CACNA2D3: variants seen among roughly 807,000 people sequenced by gnomAD.
CACNA2D3 encodes the protein calcium voltage-gated channel auxiliary subunit alpha2delta 3.
In CACNA2D3, 60 loss-of-function variants were observed where a neutral mutation model predicts 160.6. The ratio of observed to expected loss-of-function variants is 0.37; its 90% confidence interval spans 0.30 to 0.46. CACNA2D3 has a LOEUF of 0.46. Ranked by LOEUF, CACNA2D3 falls within the 20% of genes least tolerant of loss-of-function variation. The pLI, the probability that CACNA2D3 is intolerant of heterozygous loss-of-function variation, is 1.00. For synonymous variants in CACNA2D3, 558 were observed against 492.9 expected (o/e 1.13, Z -1.75); for missense variants, 1,205 against 1,365.0 (o/e 0.88, Z 1.85).
intron 4 of CACNA2D3, among the ~76,000 whole-genome samples, chr3:54,500,308 A>T (rs1390011809): frequency 6.6e-6 from 1 of 152,098 alleles, no homozygotes; most frequent in African/African-American, 2.4e-5. Context: ...TGGGCTTCTT[A>T]TGGACAAAAT....
intron 5 of CACNA2D3, among the ~76,000 whole-genome samples, chr3:54,506,549 T>C (rs1701374301): frequency 6.6e-6 from 1 of 152,194 alleles, no homozygotes; most frequent in African/African-American, 2.4e-5. Flanking sequence ...GGTTTGTGCT[T>C]TCCTCTCTGG....
In CACNA2D3 at chr3:54,163,974, G is replaced by T. The variant is rs114744506; in HGVS notation, c.204+40380G>T. Among the ~76,000 whole-genome samples, 771 of 152,308 alleles carry T rather than the reference G, an allele frequency of 5.1e-3. 6 individuals carry two copies. The highest frequency in any genetic ancestry group is 0.018 in the African/African-American group (742 of 41,556). ...TGGAGAGGGAGAGGGAATAGCCCACGGGCTAAGCAGCCCACTGCAGGTACC... is the reference window on the plus strand; with the variant it reads ...TGGAGAGGGAGAGGGAATAGCCCACTGGCTAAGCAGCCCACTGCAGGTACC... On this transcript the variant is annotated intron_variant, in intron 2 of 37. Coordinates refer to ENST00000474759, the MANE Select transcript of CACNA2D3 (RefSeq NM_018398.3).
intron 27 of CACNA2D3, chr3:54,918,935 C>G: frequency 1.4e-6 from 2 of 1,447,744 alleles, no homozygotes; most frequent in Non-Finnish European, 9.2e-7. Context: ...AGCCTTGATA[C>G]AACAGAGTTC....
intron 2 of CACNA2D3, among the ~76,000 whole-genome samples, chr3:54,287,482 CTT>C (rs1559909611): frequency 6.6e-6 from 1 of 150,462 alleles, no homozygotes; most frequent in African/African-American, 2.5e-5. Context: ...TAATGGGAGA[CTT>C]TAACACCCCA....
At chr3:54,922,633 G>A (rs1700886860) in intron 27 of CACNA2D3, among the ~76,000 whole-genome samples, 1 of 152,036 alleles carries the variant, frequency 6.6e-6, no homozygotes, top group South Asian at 2.1e-4. Flanking sequence ...GCTGAGAACC[G>A]CTACAACCAT....
At chr3:54,786,082 C>T (rs906647755) in intron 13 of CACNA2D3, among the ~76,000 whole-genome samples, 2 of 152,190 alleles carry the variant, frequency 1.3e-5, no homozygotes, top group African/African-American at 4.8e-5. Flanking sequence ...GTTACAAATC[C>T]CTTCCCTAAC....
At chr3:54,614,973 G>C (rs948949352) in intron 9 of CACNA2D3, among the ~76,000 whole-genome samples, 22 of 152,154 alleles carry the variant, frequency 1.4e-4, no homozygotes, top group African/African-American at 5.1e-4. Flanking sequence ...AAAAGAAAAA[G>C]GGTGTGGGAG....
At chr3:54,625,161 T>C (rs1451948315) in intron 9 of CACNA2D3, among the ~76,000 whole-genome samples, 1 of 152,102 alleles carries the variant, frequency 6.6e-6, no homozygotes, top group African/African-American at 2.4e-5. Context: ...CTCAAGCCAT[T>C]TGATCATCCC....
rs868741623 is a variant in CACNA2D3 at position 54,627,688 on chromosome 3, C to T, written c.964-99C>T. 1.2e-4 allele frequency: 92 copies of T among 744,848 alleles called. 2 individuals carry two copies. In the South Asian group the frequency reaches 1.3e-3, roughly 10 times the overall value. The allele number at this position is 744,848 out of a possible 1,614,324, so 46.1% of individuals were successfully genotyped here. ...GTAAATTATGACCGGTTGGATCTGA[C>T]AATCATTGGTCTTGCCATGGCGTAC... On this transcript the variant is annotated intron_variant, in intron 9 of 37. Transcript: ENST00000474759.
At position 54,438,055 on chromosome 3, in the gene CACNA2D3, T is replaced by TA. The variant is rs1180504569; in HGVS notation, c.381+51289dup. On this transcript the variant is annotated intron_variant, in intron 4 of 37. Coordinates refer to ENST00000474759, the MANE Select transcript of CACNA2D3 (RefSeq NM_018398.3). ...CAGATATTAGAAACAACTAGAGTTA[T>TA]AAAAAAAACTAAAGTTTCTCTGAAG... 2.6e-5 allele frequency among the ~76,000 whole-genome samples: 4 copies of TA among 152,058 alleles called. No homozygotes were observed. In the East Asian group the frequency reaches 5.8e-4, roughly 22 times the overall value.
chr3:54,340,034 A>G (rs575540944), intron 3 of CACNA2D3, among the ~76,000 whole-genome samples: 2 of 152,338 alleles, frequency 1.3e-5, no homozygotes, highest in South Asian at 2.1e-4. Context: ...CTCACTTTTC[A>G]GGATGACAAA....
At chr3:54,379,033 A>G (rs981517663) in intron 3 of CACNA2D3, among the ~76,000 whole-genome samples, 3 of 152,164 alleles carry the variant, frequency 2.0e-5, no homozygotes, top group Non-Finnish European at 2.9e-5. Context: ...CTCTAGGCTT[A>G]TTTTGTCTTG....
chr3:54,529,586 T>C (rs1341963002), intron 5 of CACNA2D3, among the ~76,000 whole-genome samples: 1 of 152,200 alleles, frequency 6.6e-6, no homozygotes, highest in African/African-American at 2.4e-5. Flanking sequence ...TCCCAGTTGC[T>C]GTGAGCATTC....
At chr3:54,764,088 A>G in intron 12 of CACNA2D3, 130 bp from the exon 13 acceptor site, 2 of 927,038 alleles carry the variant, frequency 2.2e-6, no homozygotes, top group Non-Finnish European at 3.3e-6. Context: ...AAAATGGGGG[A>G]GAGGAGCTAA....
intron 4 of CACNA2D3, among the ~76,000 whole-genome samples, chr3:54,479,724 A>G (rs1700902386): frequency 6.6e-6 from 1 of 152,194 alleles, no homozygotes; most frequent in Non-Finnish European, 1.5e-5. Flanking sequence ...TTTACTATAC[A>G]GTTTCATGGA....
intron 9 of CACNA2D3, among the ~76,000 whole-genome samples, chr3:54,620,111 A>T (rs540715315): frequency 6.6e-6 from 1 of 152,308 alleles, no homozygotes; most frequent in Non-Finnish European, 1.5e-5. Context: ...ACAGAACCCC[A>T]TGAGCTTATC....
intron 13 of CACNA2D3, among the ~76,000 whole-genome samples, chr3:54,809,039 A>T (rs148682431): frequency 4.1e-3 from 628 of 152,246 alleles, no homozygotes; most frequent in Middle Eastern, 0.027. Flanking sequence ...AAATAATGTT[A>T]TTACTACTGT....
chr3:54,408,246 C>T (rs918911955), intron 4 of CACNA2D3, among the ~76,000 whole-genome samples: 1 of 152,064 alleles, frequency 6.6e-6, no homozygotes, highest in African/African-American at 2.4e-5. Context: ...AGAAAATCCC[C>T]AAAGGTCAAG....
At chr3:54,992,924 A>G (rs1478953800) in intron 31 of CACNA2D3, among the ~76,000 whole-genome samples, 1 of 152,184 alleles carries the variant, frequency 6.6e-6, no homozygotes, top group Non-Finnish European at 1.5e-5. Context: ...CGGATGGTGA[A>G]GGAGAAGCAG....
Sources: allele counts gnomAD v4.1 joint callset (sites outside exome capture counted in the v4.1 genomes callset), GRCh38; gene constraint gnomAD v4.1.1; transcripts MANE v1.5; gene names NCBI Gene and HGNC (gene_info 2026-07-23, HGNC 2026-07-21).